SCFD2: variants seen among roughly 807,000 people sequenced by gnomAD.
SCFD2 encodes the protein sec1 family domain containing 2, also known as sec1 family domain-containing protein 2.
SCFD2 carries 54 observed loss-of-function variants against 58.9 expected under a neutral mutation model. That is an observed-to-expected ratio of 0.92 (90% CI 0.74 to 1.15). SCFD2 has a LOEUF of 1.15. Among genes scored for constraint, SCFD2 ranks in the 50% most tolerant of loss-of-function variants. SCFD2 has a pLI of 0.00. For synonymous variants in SCFD2, 321 were observed against 335.9 expected (o/e 0.96, Z 0.49); for missense variants, 805 against 836.6 (o/e 0.96, Z 0.47).
At chr4:53,312,854 A>C (rs1732732128) in intron 3 of SCFD2, among the ~76,000 whole-genome samples, 1 of 152,118 alleles carries the variant, frequency 6.6e-6, no homozygotes, top group East Asian at 1.9e-4. Flanking sequence ...AATTTTGCAA[A>C]CTTCCAGAAA....
intron 3 of SCFD2, among the ~76,000 whole-genome samples, chr4:53,311,064 T>A (rs938304950): frequency 6.6e-6 from 1 of 152,222 alleles, no homozygotes; most frequent in Admixed American, 6.5e-5. Flanking sequence ...CAATGTTTTA[T>A]TATGTTTACA....
chr4:53,079,759 A>C (rs1000107676), intron 5 of SCFD2, among the ~76,000 whole-genome samples: 7 of 152,170 alleles, frequency 4.6e-5, no homozygotes, highest in Non-Finnish European at 1.0e-4. Flanking sequence ...ATTGTGCTTT[A>C]TAACCTGAAT....
chr4:53,114,053 A>C (rs1725249903), intron 5 of SCFD2, among the ~76,000 whole-genome samples: 1 of 152,122 alleles, frequency 6.6e-6, no homozygotes, highest in Non-Finnish European at 1.5e-5. Context: ...TCCACCACTT[A>C]CTAGCTGTGT....
intron 4 of SCFD2, among the ~76,000 whole-genome samples, chr4:53,178,589 C>T (rs895287910): frequency 9.2e-5 from 14 of 152,082 alleles, no homozygotes; most frequent in African/African-American, 1.9e-4. Flanking sequence ...AAAATCAGAG[C>T]GCCTATCCTC....
At chr4:52,892,469 T>G (rs775300888) in intron 7 of SCFD2, among the ~76,000 whole-genome samples, 3 of 152,212 alleles carry the variant, frequency 2.0e-5, no homozygotes, top group Non-Finnish European at 4.4e-5. Context: ...ACTCCAGCCC[T>G]CTGGGATCTA....
At chr4:52,989,495 T>G (rs919498950) in intron 5 of SCFD2, among the ~76,000 whole-genome samples, 2 of 152,178 alleles carry the variant, frequency 1.3e-5, no homozygotes, top group African/African-American at 4.8e-5. Context: ...ATAAAGACAC[T>G]CTGTAATTTT....
rs1156371520 is a variant in SCFD2, at chr4:53,081,529, T to C, written c.1561+63804A>G. Among the ~76,000 whole-genome samples, 5 of 152,202 alleles carry C rather than the reference T, an allele frequency of 3.3e-5. No homozygotes were observed. In the East Asian group the frequency reaches 7.7e-4, roughly 23 times the overall value. ...GTTTTCCATTCCTATGAACCACTCA[T>C]ATTCTTAAGTACTTTTACCTTTTAA... On this transcript the variant is annotated intron_variant, in intron 5 of 8. Transcript: ENST00000401642.
At chr4:53,291,982 A>AT (rs1731856136) in intron 3 of SCFD2, among the ~76,000 whole-genome samples, 2 of 151,750 alleles carry the variant, frequency 1.3e-5, no homozygotes, top group African/African-American at 4.8e-5. Flanking sequence ...ATTAATTCAA[A>AT]ATTTTTTTAA....
intron 5 of SCFD2, among the ~76,000 whole-genome samples, chr4:52,934,649 C>T (rs1720091683): frequency 6.6e-6 from 1 of 152,160 alleles, no homozygotes; most frequent in Non-Finnish European, 1.5e-5. Flanking sequence ...ATGTACTGAG[C>T]TCTTACTGGG....
intron 4 of SCFD2, among the ~76,000 whole-genome samples, chr4:53,151,526 G>A (rs1726505292): frequency 6.6e-6 from 1 of 152,152 alleles, no homozygotes; most frequent in Admixed American, 6.5e-5. Flanking sequence ...CAAAGTCAGA[G>A]TTTGTCTCTG....
intron 5 of SCFD2, among the ~76,000 whole-genome samples, chr4:53,069,120 C>G (rs1723744196): frequency 6.6e-6 from 1 of 152,018 alleles, no homozygotes; most frequent in African/African-American, 2.4e-5. Flanking sequence ...ATTTTTAAGG[C>G]TCAGATTCAG....
At chr4:53,008,653 A>G (rs1354810067) in intron 5 of SCFD2, among the ~76,000 whole-genome samples, 1 of 152,220 alleles carries the variant, frequency 6.6e-6, no homozygotes, top group African/African-American at 2.4e-5. Flanking sequence ...GTGCATGTAT[A>G]AAACGCTCTT....
At chr4:53,107,959 T>C (rs1725054276) in intron 5 of SCFD2, among the ~76,000 whole-genome samples, 1 of 152,170 alleles carries the variant, frequency 6.6e-6, no homozygotes, top group African/African-American at 2.4e-5. Context: ...ATTCTAAAAT[T>C]GATCACATAA....
At chr4:53,146,503 C>T (rs1388045254) in intron 4 of SCFD2, among the ~76,000 whole-genome samples, 1 of 152,144 alleles carries the variant, frequency 6.6e-6, no homozygotes, top group East Asian at 1.9e-4. Context: ...TTGCAACTTA[C>T]ATTATTCATT....
intron 5 of SCFD2, among the ~76,000 whole-genome samples, chr4:53,039,461 C>T (rs1408525539): frequency 6.6e-6 from 1 of 152,224 alleles, no homozygotes; most frequent in East Asian, 1.9e-4. Flanking sequence ...GTATTCAAGG[C>T]CCTCTGTAAT....
At chr4:52,926,320 G>A (rs1270505770) in intron 5 of SCFD2, among the ~76,000 whole-genome samples, 2 of 151,998 alleles carry the variant, frequency 1.3e-5, no homozygotes, top group East Asian at 3.9e-4. Flanking sequence ...TTCATCAGAA[G>A]GGTGCTTCAG....
intron 4 of SCFD2, among the ~76,000 whole-genome samples, chr4:53,268,692 G>A (rs1272597270): frequency 6.6e-6 from 1 of 152,132 alleles, no homozygotes; most frequent in Admixed American, 6.5e-5. Context: ...GGCAGAGGCA[G>A]GGGCAGCACA....
intron 5 of SCFD2, among the ~76,000 whole-genome samples, chr4:53,091,725 C>G (rs2148866631): frequency 6.6e-6 from 1 of 152,132 alleles, no homozygotes; most frequent in East Asian, 1.9e-4. Context: ...ATAACACAGG[C>G]AGACATGAAG....
intron 4 of SCFD2, among the ~76,000 whole-genome samples, chr4:53,146,049 A>T (rs1726321445): frequency 6.6e-6 from 1 of 152,222 alleles, no homozygotes; most frequent in African/African-American, 2.4e-5. Flanking sequence ...ATCAGCAAAT[A>T]TTAGCCAGAA....
Sources: gnomAD v4.1 joint callset for allele counts (sites outside exome capture counted in the v4.1 genomes callset) on GRCh38, gnomAD v4.1.1 for gene constraint, MANE v1.5 for transcripts, NCBI Gene and HGNC (gene_info 2026-07-23, HGNC 2026-07-21) for gene names.